Variants in PPFIA2 observed in about 807,000 individuals in gnomAD.
PPFIA2 encodes liprin-alpha-2.
PPFIA2 carries 46 observed loss-of-function variants against 175.5 expected under a neutral mutation model. The observed-to-expected ratio is 0.26, with a 90% CI of 0.21 to 0.34. PPFIA2 has a LOEUF of 0.34. Ranked by LOEUF, PPFIA2 falls within the 10% of genes least tolerant of loss-of-function variation. PPFIA2 has a pLI of 1.00. For missense variants in PPFIA2, 1,179 were observed against 1,506.1 expected (o/e 0.78, Z 3.60); for synonymous variants, 568 against 511.4 (o/e 1.11, Z -1.49).
intron 4 of PPFIA2, among the ~76,000 whole-genome samples, chr12:81,545,136 C>G (rs17687003): frequency 0.16 from 24,699 of 151,730 alleles, 2,496 homozygotes; most frequent in Admixed American, 0.24. Flanking sequence ...CTTTCAAAAA[C>G]TGAGATACAC....
intron 4 of PPFIA2, among the ~76,000 whole-genome samples, chr12:81,469,686 C>A (rs1467006738): frequency 1.3e-5 from 2 of 152,118 alleles, no homozygotes; most frequent in African/African-American, 4.8e-5. Flanking sequence ...AAATGTGACG[C>A]CAAAAGCTCA....
At position 81,465,900 on chromosome 12, in the gene PPFIA2, G is replaced by A. The variant is rs139778332; in HGVS notation, c.304-8034C>T. Reference sequence around the variant, plus strand: ...AAGAAAGGCATATAGAAATTAATACGTAATCATTATATCACTATGTATATG... The same window carrying A: ...AAGAAAGGCATATAGAAATTAATACATAATCATTATATCACTATGTATATG... On this transcript the variant is annotated intron_variant, in intron 4 of 32. Transcript: ENST00000549396. 1.9e-4 allele frequency among the ~76,000 whole-genome samples: 29 copies of A among 152,166 alleles called. 1 individual carries two copies. The East Asian group carries it at 4.1e-3, about 21-fold the overall frequency.
chr12:81,494,407 C>A (rs2059789730), intron 4 of PPFIA2, among the ~76,000 whole-genome samples: 1 of 152,108 alleles, frequency 6.6e-6, no homozygotes, highest in Non-Finnish European at 1.5e-5. Context: ...TCATCTCACA[C>A]CAGTTAGAAT....
intron 28 of PPFIA2, among the ~76,000 whole-genome samples, chr12:81,271,997 A>G (rs995760004): frequency 6.6e-6 from 1 of 152,100 alleles, no homozygotes; most frequent in Non-Finnish European, 1.5e-5. Flanking sequence ...ATTGATGGAC[A>G]TACTTCAAAG....
chr12:81,625,073 A>G (rs2062536465), intron 4 of PPFIA2, among the ~76,000 whole-genome samples: 1 of 151,976 alleles, frequency 6.6e-6, no homozygotes, highest in South Asian at 2.1e-4. Flanking sequence ...ATTTTATTAT[A>G]TAAAGACTAT....
At chr12:81,584,327 T>C (rs552932278) in intron 4 of PPFIA2, among the ~76,000 whole-genome samples, 2 of 152,084 alleles carry the variant, frequency 1.3e-5, no homozygotes, top group South Asian at 4.1e-4. Flanking sequence ...ATTTTATTTA[T>C]GATGCCATAT....
Position 81,259,502 on chromosome 12 carries a change from C to T in PPFIA2, c.*192G>A. 1 of 791,014 alleles carries T rather than the reference C, an allele frequency of 1.3e-6. No homozygotes were observed. The highest frequency in any genetic ancestry group is 1.7e-5 in the African/African-American group (1 of 57,766). The allele number at this position is 791,014 out of a possible 1,614,324, so 49.0% of individuals were successfully genotyped here. Reference sequence around the variant, plus strand: ...TTATTACAATTTGTAGTAAACTAATCAAATGTAATATCTGACTCCCCCCAA... The same window carrying T: ...TTATTACAATTTGTAGTAAACTAATTAAATGTAATATCTGACTCCCCCCAA... On this transcript the variant is annotated 3_prime_UTR_variant, in exon 33 of 33. Transcript: ENST00000549396.
chr12:81,585,050 T>A (rs2075103880), intron 4 of PPFIA2, among the ~76,000 whole-genome samples: 1 of 118,422 alleles, frequency 8.4e-6, no homozygotes, highest in African/African-American at 3.2e-5. Flanking sequence ...ATATAATATA[T>A]TATATAATTA....
intron 4 of PPFIA2, among the ~76,000 whole-genome samples, chr12:81,503,281 C>A (rs1358836101): frequency 6.6e-6 from 1 of 151,994 alleles, no homozygotes; most frequent in African/African-American, 2.4e-5. Flanking sequence ...TAGTCCTTCA[C>A]TATTCCAAGA....
chr12:81,601,383 G>A (rs894806587), intron 4 of PPFIA2, among the ~76,000 whole-genome samples: 2 of 151,758 alleles, frequency 1.3e-5, no homozygotes, highest in Non-Finnish European at 2.9e-5. Context: ...TCTAAAAATT[G>A]CCAAGATTTA....
At chr12:81,278,880 T>TA (rs1288132815) in intron 27 of PPFIA2, among the ~76,000 whole-genome samples, 1 of 152,224 alleles carries the variant, frequency 6.6e-6, no homozygotes, top group Non-Finnish European at 1.5e-5. Flanking sequence ...AGATTACACT[T>TA]ACTTGCTAGA....
intron 4 of PPFIA2, among the ~76,000 whole-genome samples, chr12:81,659,923 C>A (rs897003976): frequency 6.6e-6 from 1 of 151,918 alleles, no homozygotes; most frequent in Admixed American, 6.6e-5. Context: ...GCAGCCTCCA[C>A]GCTCCAGGCA....
intron 23 of PPFIA2, among the ~76,000 whole-genome samples, chr12:81,295,594 G>A (rs1380347446): frequency 6.6e-6 from 1 of 152,174 alleles, no homozygotes; most frequent in Non-Finnish European, 1.5e-5. Context: ...TGCTATATAT[G>A]AAAATGCCTT....
At position 81,468,136 on chromosome 12, in the gene PPFIA2, T is replaced by C. The variant is rs184933457; in HGVS notation, c.304-10270A>G. Among the ~76,000 whole-genome samples, 5 of 152,304 alleles carry C rather than the reference T, an allele frequency of 3.3e-5. No individual in the cohort carries two copies. In the East Asian group the frequency reaches 9.6e-4, roughly 29 times the overall value. On this transcript the variant is annotated intron_variant, in intron 4 of 32. Coordinates refer to ENST00000549396, the MANE Select transcript of PPFIA2 (RefSeq NM_003625.5). ...AAAACCTTGTTCTGGTCTTATTGTA[T>C]GAAAGAAGAGAGAGGGAGGTCATCA... is the stretch of plus-strand genomic sequence containing the variant.
At chr12:81,445,845 A>T (rs1214359827) in intron 5 of PPFIA2, 125 bp from the exon 6 acceptor site, 2 of 812,890 alleles carry the variant, frequency 2.5e-6, no homozygotes, top group South Asian at 4.2e-5. Context: ...GTTACACTGC[A>T]AGCAGCAACA....
intron 4 of PPFIA2, among the ~76,000 whole-genome samples, chr12:81,514,317 G>T (rs994320993): frequency 6.6e-6 from 1 of 151,818 alleles, no homozygotes; most frequent in Non-Finnish European, 1.5e-5. Context: ...TATTCTAAAA[G>T]AAAATTAATT....
intron 4 of PPFIA2, among the ~76,000 whole-genome samples, chr12:81,540,748 A>T (rs1442699398): frequency 6.6e-6 from 1 of 152,050 alleles, no homozygotes; most frequent in Non-Finnish European, 1.5e-5. Flanking sequence ...CTCAAATATT[A>T]TTGCAGTTTA....
At chr12:81,290,878 T>C (rs2044761753) in intron 24 of PPFIA2, among the ~76,000 whole-genome samples, 1 of 151,810 alleles carries the variant, frequency 6.6e-6, no homozygotes, top group Admixed American at 6.6e-5. Flanking sequence ...CAAATTGTGT[T>C]ACACAAAACA....
At chr12:81,637,252 T>C (rs2064214930) in intron 4 of PPFIA2, among the ~76,000 whole-genome samples, 9 of 28,798 alleles carry the variant, frequency 3.1e-4, no homozygotes, top group Admixed American at 7.2e-4. Flanking sequence ...TTTTTTTTTT[T>C]TTTTTTTTTT....
Sources: allele counts gnomAD v4.1 joint callset (sites outside exome capture counted in the v4.1 genomes callset), GRCh38; gene constraint gnomAD v4.1.1; transcripts MANE v1.5; gene names NCBI Gene and HGNC (gene_info 2026-07-23, HGNC 2026-07-21).